MSRA: variants seen among roughly 807,000 people sequenced by gnomAD.
The protein encoded by MSRA is methionine sulfoxide reductase A, also known as mitochondrial peptide methionine sulfoxide reductase.
Under a neutral mutation model 31.3 loss-of-function variants are expected in MSRA, and 54 were observed. That is an observed-to-expected ratio of 1.73 (90% CI 1.39 to 2.17). The LOEUF (loss-of-function observed/expected upper bound fraction) is 2.17, where lower values mean the gene tolerates loss of function less well. Ranked by LOEUF, MSRA falls within the 30% of genes most tolerant of loss-of-function variation. The pLI is 0.00. For missense variants in MSRA, 507 were observed against 300.9 expected (o/e 1.69, Z -5.07); for synonymous variants, 169 against 116.5 (o/e 1.45, Z -2.90).
chr8:10,405,545 A>C (rs1269250519), intron 5 of MSRA, among the ~76,000 whole-genome samples: 1 of 152,088 alleles, frequency 6.6e-6, no homozygotes, highest in Non-Finnish European at 1.5e-5. Context: ...CTCAGCTGTC[A>C]CTTTCCTTTC....
chr8:10,085,415 T>C (rs1198178134), intron 1 of MSRA, among the ~76,000 whole-genome samples: 1 of 152,234 alleles, frequency 6.6e-6, no homozygotes, highest in Non-Finnish European at 1.5e-5. Context: ...TTGGCAGTCA[T>C]TTCTTGCCAC....
intron 1 of MSRA, among the ~76,000 whole-genome samples, chr8:10,148,402 C>CT (rs1223256400): frequency 6.6e-6 from 1 of 151,566 alleles, no homozygotes; most frequent in Non-Finnish European, 1.5e-5. Flanking sequence ...AATCCCAGCA[C>CT]TTTGGAGGCT....
At chr8:10,091,569 A>G (rs1235440023) in intron 1 of MSRA, among the ~76,000 whole-genome samples, 4 of 150,628 alleles carry the variant, frequency 2.7e-5, no homozygotes, top group African/African-American at 7.3e-5. Flanking sequence ...TTTTCTTTGG[A>G]TATATGCTCA....
In MSRA at chr8:10,335,250, GTTTTT is replaced by G. The variant is rs1170264568; in HGVS notation, c.543+15280_543+15284del. 1.1e-4 allele frequency among the ~76,000 whole-genome samples: 9 copies of G among 79,880 alleles called. No individual in the cohort carries two copies. In the South Asian group the frequency reaches 2.1e-3, roughly 19 times the overall value. 52.4% of individuals were successfully genotyped at this position (79,880 alleles called of 152,430 possible). ...TTCACCCTTAACACCTCCCAGCTCTGTTTTTTTTTTTTTTTTTTTTTTTGTAGTGT... is the reference window on the plus strand; with the variant it reads ...TTCACCCTTAACACCTCCCAGCTCTGTTTTTTTTTTTTTTTTTTGTAGTGT... On this transcript the variant is annotated intron_variant, in intron 5 of 5. Coordinates refer to ENST00000317173, the MANE Select transcript of MSRA (RefSeq NM_012331.5).
intron 5 of MSRA, among the ~76,000 whole-genome samples, chr8:10,345,608 A>G (rs2129154174): frequency 6.6e-6 from 1 of 152,382 alleles, no homozygotes; most frequent in African/African-American, 2.4e-5. Context: ...ATTACAAATA[A>G]TAATTATGAA....
chr8:10,405,581 C>A (rs895579847), intron 5 of MSRA, among the ~76,000 whole-genome samples: 1 of 152,204 alleles, frequency 6.6e-6, no homozygotes, highest in Admixed American at 6.5e-5. Flanking sequence ...ACTAAGGACC[C>A]CATATCCATA....
chr8:10,143,499 G>A (rs1430268056), intron 1 of MSRA, among the ~76,000 whole-genome samples: 1 of 152,060 alleles, frequency 6.6e-6, no homozygotes, highest in African/African-American at 2.4e-5. Flanking sequence ...CTTTCATCAC[G>A]AGGCTCTATA....
intron 3 of MSRA, among the ~76,000 whole-genome samples, chr8:10,296,864 G>A (rs1308771019): frequency 1.3e-5 from 2 of 152,150 alleles, no homozygotes; most frequent in Non-Finnish European, 2.9e-5. Context: ...CTGACAATCT[G>A]ACTCCTCACC....
rs563229821 is a variant in MSRA, at chr8:10,406,233, G to C, written c.544-21915G>C. On this transcript the variant is annotated intron_variant, in intron 5 of 5. Transcript: ENST00000317173. ...GAAAGTCTACCGTGGTGGGCTGAGG[G>C]AGGTCCCTTGCAGTCACGGCAGCTT... Among the ~76,000 whole-genome samples, 83 of 152,366 alleles carry C rather than the reference G, an allele frequency of 5.4e-4. No individual in the cohort carries two copies. The Middle Eastern group carries it at 0.017, about 31-fold the overall frequency.
intron 2 of MSRA, among the ~76,000 whole-genome samples, chr8:10,228,787 G>A (rs1326850115): frequency 1.3e-5 from 2 of 152,268 alleles, no homozygotes; most frequent in East Asian, 3.9e-4. Flanking sequence ...CATCTTCCTT[G>A]TAGGGTTATC....
intron 1 of MSRA, among the ~76,000 whole-genome samples, chr8:10,157,247 G>A (rs1030763520): frequency 7.2e-5 from 11 of 151,974 alleles, no homozygotes; most frequent in Admixed American, 6.6e-4. Context: ...CTCCCTTGAT[G>A]TATGGTATTT....
At chr8:10,083,031 C>T (rs1798371708) in intron 1 of MSRA, among the ~76,000 whole-genome samples, 1 of 152,190 alleles carries the variant, frequency 6.6e-6, no homozygotes, top group African/African-American at 2.4e-5. Context: ...ATGGCACTGA[C>T]TGGGGGTGCA....
chr8:10,285,262 C>T lies in MSRA; in HGVS notation c.332-16272C>T, dbSNP rs76479069. On this transcript the variant is annotated intron_variant, in intron 3 of 5. Transcript: ENST00000317173. ...ACCCTTCCCAATCTTACGGAGTAGT[C>T]TTGCCTGCATTTAATTTGACAGTAT... Among the ~76,000 whole-genome samples the T allele has an allele frequency of 7.1e-3, 1,085 of 152,272 alleles. 13 individuals are homozygous for T. The highest frequency in any genetic ancestry group is 0.048 in the East Asian group (251 of 5,186).
intron 1 of MSRA, among the ~76,000 whole-genome samples, chr8:10,094,474 G>A (rs758838943): frequency 1.3e-5 from 2 of 152,198 alleles, no homozygotes; most frequent in African/African-American, 2.4e-5. Flanking sequence ...GTGCATAAAC[G>A]TAGTAGTTTG....
At chr8:10,370,687 C>T (rs1185583149) in intron 5 of MSRA, among the ~76,000 whole-genome samples, 1 of 152,208 alleles carries the variant, frequency 6.6e-6, no homozygotes, top group Non-Finnish European at 1.5e-5. Context: ...CTTGCCACCT[C>T]CAGGCCACGT....
chr8:10,399,321 C>A (rs779852906), intron 5 of MSRA, among the ~76,000 whole-genome samples: 1 of 152,086 alleles, frequency 6.6e-6, no homozygotes, highest in Non-Finnish European at 1.5e-5. Flanking sequence ...ATGTTTGTCT[C>A]CTCCAAAACT....
chr8:10,286,432 C>T (rs1292153975), intron 3 of MSRA, among the ~76,000 whole-genome samples: 10 of 152,294 alleles, frequency 6.6e-5, no homozygotes, highest in Non-Finnish European at 1.2e-4. Flanking sequence ...CTGCTGCCGC[C>T]GCCATCCATG....
At chr8:10,115,084 A>G (rs998153820) in intron 1 of MSRA, among the ~76,000 whole-genome samples, 2 of 152,232 alleles carry the variant, frequency 1.3e-5, no homozygotes, top group African/African-American at 2.4e-5. Flanking sequence ...GTTAACATGA[A>G]CATGTATTAT....
intron 3 of MSRA, among the ~76,000 whole-genome samples, chr8:10,255,608 G>A (rs774642377): frequency 2.6e-5 from 4 of 152,222 alleles, no homozygotes; most frequent in Middle Eastern, 3.4e-3. Context: ...GAACTTGTGT[G>A]TCTTTGTGCA....
Sources: gnomAD v4.1 joint callset for allele counts (sites outside exome capture counted in the v4.1 genomes callset) on GRCh38, gnomAD v4.1.1 for gene constraint, MANE v1.5 for transcripts, NCBI Gene and HGNC (gene_info 2026-07-23, HGNC 2026-07-21) for gene names.